ZC3H14: variants seen among roughly 807,000 people sequenced by gnomAD.
The protein encoded by ZC3H14 is zinc finger CCCH-type containing 14.
In ZC3H14, 31 loss-of-function variants were observed where a neutral mutation model predicts 92.4. That is an observed-to-expected ratio of 0.34 (90% CI 0.25 to 0.45). The LOEUF is 0.45. ZC3H14 is among the 20% of genes least tolerant of loss of function. ZC3H14 has a pLI of 1.00. For missense variants in ZC3H14, 781 were observed against 897.3 expected, an observed-to-expected ratio of 0.87 and a Z score of 1.66; for synonymous variants, 321 against 300.9, an observed-to-expected ratio of 1.07 and a Z score of -0.69.
At chr14:88,592,748 GC>G (rs1386754991) in intron 9 of ZC3H14, among the ~76,000 whole-genome samples, 1 of 151,858 alleles carries the variant, frequency 6.6e-6, no homozygotes, top group Non-Finnish European at 1.5e-5. Context: ...TGATCCACCT[GC>G]CTTGGCCTCC....
At position 88,618,354 on chromosome 14, in the gene ZC3H14, G is replaced by A. The variant is rs2088108431; in HGVS notation, c.*6603G>A. The A allele has an allele frequency of 6.3e-7, 1 of 1,598,006 alleles. No homozygotes were observed. The highest frequency in any genetic ancestry group is 8.6e-7 in the Non-Finnish European group (1 of 1,166,978). On this transcript the variant is annotated 3_prime_UTR_variant, in exon 17 of 17. Coordinates refer to ENST00000251038, the MANE Select transcript of ZC3H14 (RefSeq NM_024824.5). ...GACCTTTTTCATCAGATTAAAATGG[G>A]ACAAGAATTCCATTAGGTGAGAGAC... is the stretch of plus-strand genomic sequence containing the variant.
chr14:88,617,539 CAGG>C lies in ZC3H14; in HGVS notation c.*5793_*5795del, dbSNP rs2087884467. The C allele has an allele frequency of 1.3e-5, 2 of 152,536 alleles. No homozygotes were observed. The highest frequency in any genetic ancestry group is 2.1e-4 in the South Asian group (1 of 4,820). 9.4% of individuals were successfully genotyped at this position (152,536 alleles called of 1,614,324 possible). A position where few individuals can be genotyped will look rare whatever the true frequency, so the allele number is the denominator to read the frequency against. The stretch of plus-strand genomic sequence containing the variant: ...ATCCCAACATTTTGGGAGGCTGAGG[CAGG>C]AGGACTGCTTGAGGCCAAGAGTTTG... On this transcript the variant is annotated 3_prime_UTR_variant, in exon 17 of 17. Transcript: ENST00000251038.
rs1162663092 is a variant in ZC3H14 at position 88,626,765 on chromosome 14, A to C, written c.*15014A>C. ...TCACAGTATCATCTCAACAACATTC[A>C]TGTGGCTGATGATCTAAGGCAAGAG... is the stretch of plus-strand genomic sequence containing the variant. On this transcript the variant is annotated 3_prime_UTR_variant, in exon 17 of 17. Transcript: ENST00000251038. The C allele has an allele frequency of 2.1e-6, 3 of 1,441,824 alleles. No homozygotes were observed. The highest frequency in any genetic ancestry group is 2.9e-6 in the Non-Finnish European group (3 of 1,044,290). The allele number at this position is 1,441,824 out of a possible 1,614,324, so 89.3% of individuals were successfully genotyped here. A position where few individuals can be genotyped will look rare whatever the true frequency, so the allele number is the denominator to read the frequency against.
Position 88,626,774 on chromosome 14 carries a change from A to G in ZC3H14, c.*15023A>G. ...CATCTCAACAACATTCATGTGGCTGATGATCTAAGGCAAGAGAATGTAAAG... is the reference window on the plus strand; with the variant it reads ...CATCTCAACAACATTCATGTGGCTGGTGATCTAAGGCAAGAGAATGTAAAG... On this transcript the variant is annotated 3_prime_UTR_variant, in exon 17 of 17. Coordinates refer to ENST00000251038, the MANE Select transcript of ZC3H14 (RefSeq NM_024824.5). The G allele has an allele frequency of 6.6e-7, 1 of 1,517,562 alleles. No homozygotes were observed. The highest frequency in any genetic ancestry group is 9.0e-7 in the Non-Finnish European group (1 of 1,107,134). The allele number at this position is 1,517,562 out of a possible 1,614,324, so 94.0% of individuals were successfully genotyped here.
chr14:88,579,356 A>G (rs2081596171), intron 9 of ZC3H14, among the ~76,000 whole-genome samples: 1 of 152,162 alleles, frequency 6.6e-6, no homozygotes, highest in African/African-American at 2.4e-5. Context: ...AACAGCAGAT[A>G]GGTACCAATT....
chr14:88,627,543 T>C lies in ZC3H14; in HGVS notation c.*15792T>C, dbSNP rs1159527438. 1.7e-6 allele frequency: 2 copies of C among 1,205,602 alleles called. No homozygotes were observed. Among genetic ancestry groups the C allele is most frequent in the Non-Finnish European group, 2.3e-6 (2 of 878,958 alleles). 74.7% of individuals were successfully genotyped at this position (1,205,602 alleles called of 1,614,324 possible). On this transcript the variant is annotated 3_prime_UTR_variant, in exon 17 of 17. Transcript: ENST00000251038. ...GTATATTGCATAGGCCTCCACTGAA[T>C]GATTGTTTCAACCACCAACTTTAAG... is the stretch of plus-strand genomic sequence containing the variant.
At chr14:88,576,014 C>T (rs1225183425) in intron 8 of ZC3H14, 74 bp downstream of exon 8, 6 of 1,295,774 alleles carry the variant, frequency 4.6e-6, no homozygotes, top group Non-Finnish European at 6.6e-6. Flanking sequence ...AATGATTGCT[C>T]CTTAAATTGT....
chr14:88,598,825 G>A (rs555529882), intron 10 of ZC3H14, among the ~76,000 whole-genome samples: 8 of 152,206 alleles, frequency 5.3e-5, no homozygotes, highest in East Asian at 1.9e-4. Flanking sequence ...AGTGGCTCAC[G>A]CCCATAATCC....
chr14:88,620,544 C>A lies in ZC3H14; in HGVS notation c.*8793C>A. On this transcript the variant is annotated 3_prime_UTR_variant, in exon 17 of 17. Transcript: ENST00000251038. The surrounding 1 kb of genome is among the most constrained non-coding windows in gnomAD (Gnocchi z 4.3). Reference sequence around the variant, plus strand: ...ATTCATCAAACATTACCTACTAGTACTTGCTATTATAGTTGGTGCCCAGTG... The same window carrying A: ...ATTCATCAAACATTACCTACTAGTAATTGCTATTATAGTTGGTGCCCAGTG... The A allele has an allele frequency of 2.4e-6, 1 of 418,584 alleles. No individual in the cohort carries two copies. 25.9% of individuals were successfully genotyped at this position (418,584 alleles called of 1,614,324 possible).
chr14:88,614,537 A>G lies in ZC3H14; in HGVS notation c.*2786A>G, dbSNP rs907232433. On this transcript the variant is annotated 3_prime_UTR_variant, in exon 17 of 17. Coordinates refer to ENST00000251038, the MANE Select transcript of ZC3H14 (RefSeq NM_024824.5). ...GGATTCCAGGAACCTAAAGCGATCT[A>G]TTATGCTATAAAGATAATTAACACA... 1 of 152,216 alleles carries G rather than the reference A, an allele frequency of 6.6e-6. No homozygotes were observed. The highest frequency in any genetic ancestry group is 2.4e-5 in the African/African-American group (1 of 41,470). The allele number at this position is 152,216 out of a possible 1,614,324, so 9.4% of individuals were successfully genotyped here. A position where few individuals can be genotyped will look rare whatever the true frequency, so the allele number is the denominator to read the frequency against.
In ZC3H14 at chr14:88,624,888, T is replaced by C; in HGVS notation, c.*13137T>C. On this transcript the variant is annotated 3_prime_UTR_variant, in exon 17 of 17. Transcript: ENST00000251038. Reference sequence around the variant, plus strand: ...GTCGGAGAGGACACTCTGTGTAGCCTAGAAACAACTAGAATAATTAACTGC... The same window carrying C: ...GTCGGAGAGGACACTCTGTGTAGCCCAGAAACAACTAGAATAATTAACTGC... 6.6e-7 allele frequency: 1 copy of C among 1,511,738 alleles called. No individual in the cohort carries two copies. Among genetic ancestry groups the C allele is most frequent in the South Asian group, 1.3e-5 (1 of 77,256 alleles). The allele number at this position is 1,511,738 out of a possible 1,614,324, so 93.6% of individuals were successfully genotyped here.
Position 88,563,142 on chromosome 14 carries a change from C to T in ZC3H14, c.9C>T (p.Ile3=), listed in dbSNP as rs375774469. 1.2e-6 allele frequency: 2 copies of T among 1,600,084 alleles called. No individual in the cohort carries two copies. The highest frequency in any genetic ancestry group is 1.7e-6 in the Non-Finnish European group (2 of 1,176,248). ...CCGCACGCCGCAGAGCCATGGAGATCGGCACCGAGATCAGCCGCAAGATCC... is the reference window on the plus strand; with the variant it reads ...CCGCACGCCGCAGAGCCATGGAGATTGGCACCGAGATCAGCCGCAAGATCC... ME[I]GTEISRKIRS... is the part of the protein sequence containing the mutation. Residue 3 remains isoleucine (I), a synonymous_variant, in exon 1 of 17, where the codon ATC becomes ATT. Transcript: ENST00000251038.
intron 7 of ZC3H14, among the ~76,000 whole-genome samples, 174 bp downstream of exon 7, chr14:88,575,027 C>T (rs536655501): frequency 6.6e-6 from 1 of 152,346 alleles, no homozygotes; most frequent in African/African-American, 2.4e-5. Flanking sequence ...ACCTCTGCCT[C>T]CCAGGTTCAA....
At chr14:88,586,177 A>T (rs760186484) in intron 9 of ZC3H14, among the ~76,000 whole-genome samples, 2 of 152,256 alleles carry the variant, frequency 1.3e-5, no homozygotes, top group African/African-American at 4.8e-5. Context: ...CAAAAAAAAT[A>T]AGTAAAATAA....
chr14:88,622,512 T>C lies in ZC3H14; in HGVS notation c.*10761T>C. 2.0e-6 allele frequency: 2 copies of C among 996,954 alleles called. No individual in the cohort carries two copies. Among genetic ancestry groups the C allele is most frequent in the South Asian group, 2.3e-5 (1 of 43,086 alleles). 61.8% of individuals were successfully genotyped at this position (996,954 alleles called of 1,614,324 possible). A position where few individuals can be genotyped will look rare whatever the true frequency, so the allele number is the denominator to read the frequency against. Reference sequence around the variant, plus strand: ...AAATCCATCGTTATGCATTATTAAGTATTGTTCATTAGGCTGCAAAGGGTG... The same window carrying C: ...AAATCCATCGTTATGCATTATTAAGCATTGTTCATTAGGCTGCAAAGGGTG... On this transcript the variant is annotated 3_prime_UTR_variant, in exon 17 of 17. Coordinates refer to ENST00000251038, the MANE Select transcript of ZC3H14 (RefSeq NM_024824.5).
chr14:88,584,296 T>A (rs2082239500), intron 9 of ZC3H14, among the ~76,000 whole-genome samples: 1 of 152,158 alleles, frequency 6.6e-6, no homozygotes, highest in Admixed American at 6.5e-5. Flanking sequence ...TTTTGAGATG[T>A]GGCAATTTGA....
intron 3 of ZC3H14, among the ~76,000 whole-genome samples, chr14:88,570,040 T>C (rs1022955340): frequency 6.6e-6 from 1 of 152,196 alleles, no homozygotes; most frequent in Non-Finnish European, 1.5e-5. Context: ...GAGTAGATCC[T>C]TTTCTCCGAT....
In ZC3H14 at chr14:88,617,047, ACTC is replaced by A; in HGVS notation, c.*5299_*5301del. 2.0e-6 allele frequency: 1 copy of A among 492,248 alleles called. No individual in the cohort carries two copies. Among genetic ancestry groups the A allele is most frequent in the Non-Finnish European group, 3.5e-6 (1 of 282,208 alleles). 30.5% of individuals were successfully genotyped at this position (492,248 alleles called of 1,614,324 possible). On this transcript the variant is annotated 3_prime_UTR_variant, in exon 17 of 17. Coordinates refer to ENST00000251038, the MANE Select transcript of ZC3H14 (RefSeq NM_024824.5). ...AGACCTGAATTTCATCAGGATATCA[ACTC>A]CTGCCTTTTAAAAATGACATTTTAT...
chr14:88,570,381 C>T (rs1042751892), intron 3 of ZC3H14, among the ~76,000 whole-genome samples: 2 of 152,056 alleles, frequency 1.3e-5, no homozygotes, highest in African/African-American at 4.8e-5. Context: ...TTATAACTAC[C>T]AAAACAGGTT....
Sources: allele counts gnomAD v4.1 joint callset (sites outside exome capture counted in the v4.1 genomes callset), GRCh38; gene constraint gnomAD v4.1.1; non-coding constraint Gnocchi (gnomAD v3.1); transcripts MANE v1.5; gene names NCBI Gene and HGNC (gene_info 2026-07-23, HGNC 2026-07-21).